Variants in URB2 observed in about 807,000 individuals in gnomAD.
URB2 encodes URB2 ribosome biogenesis homolog.
URB2 carries 86 observed loss-of-function variants against 120.9 expected under a neutral mutation model. The ratio of observed to expected loss-of-function variants is 0.71; its 90% CI spans 0.60 to 0.85. The LOEUF is 0.85. Ranked by LOEUF, URB2 falls within the 40% of genes least tolerant of loss-of-function variation. URB2 has a pLI of 0.00. For synonymous variants in URB2, 755 were observed against 758.4 expected, an observed-to-expected ratio of 1.00 and a Z score of 0.07; for missense variants, 1,765 against 1,836.5, an observed-to-expected ratio of 0.96 and a Z score of 0.71.
intron 2 of URB2, among the ~76,000 whole-genome samples, chr1:229,630,836 G>A (rs551185297): frequency 5.9e-5 from 9 of 152,038 alleles, no homozygotes; most frequent in African/African-American, 1.9e-4. Context: ...AAAAAAATTA[G>A]CCAGGCATGG....
At chr1:229,632,771 G>A (rs928951685) in intron 3 of URB2, among the ~76,000 whole-genome samples, 10 of 151,194 alleles carry the variant, frequency 6.6e-5, no homozygotes, top group East Asian at 1.9e-4. Context: ...GGGCTAGAGG[G>A]AGATCAAAGG....
At chr1:229,644,606 G>T (rs1389274751) in intron 5 of URB2, among the ~76,000 whole-genome samples, 1 of 152,172 alleles carries the variant, frequency 6.6e-6, no homozygotes, top group East Asian at 1.9e-4. Flanking sequence ...GTGCCAGGGG[G>T]GCAGGCCCTG....
intron 7 of URB2, among the ~76,000 whole-genome samples, chr1:229,648,262 T>A (rs989010309): frequency 2.0e-5 from 3 of 152,364 alleles, no homozygotes; most frequent in South Asian, 4.1e-4. Flanking sequence ...ATCTCCAAGA[T>A]ATCTCATTGT....
intron 9 of URB2, among the ~76,000 whole-genome samples, chr1:229,655,830 G>A (rs1421167482): frequency 5.3e-5 from 8 of 152,228 alleles, no homozygotes; most frequent in Non-Finnish European, 1.0e-4. Context: ...TAGGGTAGAG[G>A]TGTCAGCATT....
intron 2 of URB2, among the ~76,000 whole-genome samples, chr1:229,628,175 G>GTATATTA (rs1665568277): frequency 1.2e-5 from 1 of 84,782 alleles, no homozygotes; most frequent in Non-Finnish European, 2.5e-5. Flanking sequence ...TAGTATATAT[G>GTATATTA]TATATAATAT....
intron 9 of URB2, among the ~76,000 whole-genome samples, chr1:229,658,127 AT>A (rs1313683701): frequency 6.6e-6 from 1 of 152,216 alleles, no homozygotes; most frequent in Non-Finnish European, 1.5e-5. Context: ...TTGTGCAGCC[AT>A]CACCACCATC....
intron 4 of URB2, among the ~76,000 whole-genome samples, chr1:229,639,715 C>A (rs1399818753): frequency 6.6e-6 from 1 of 152,118 alleles, no homozygotes; most frequent in African/African-American, 2.4e-5. Flanking sequence ...CCTGTCCCCC[C>A]ACCATATTAG....
rs1415597925 is a variant in URB2 at position 229,643,475 on chromosome 1, AC to A, written c.3635-57del. The A allele has an allele frequency of 1.8e-5, 28 of 1,598,196 alleles. No homozygotes were observed. The East Asian group carries it at 5.8e-4, about 33-fold the overall frequency. On this transcript the variant is annotated intron_variant, in intron 4 of 9. Coordinates refer to ENST00000258243, the MANE Select transcript of URB2 (RefSeq NM_014777.4). ...CTGTGCGCAGTTTCATCCTATGGCT[AC>A]TTGGTAGTTTATTTCACCTGTCACA...
intron 5 of URB2, among the ~76,000 whole-genome samples, chr1:229,643,959 T>C (rs1160456549): frequency 1.3e-5 from 2 of 152,234 alleles, no homozygotes; most frequent in South Asian, 4.1e-4. Context: ...TGTTACACAT[T>C]CACAAAACTG....
chr1:229,627,083 G>A (rs1665509666), intron 1 of URB2, among the ~76,000 whole-genome samples: 2 of 152,134 alleles, frequency 1.3e-5, no homozygotes, highest in African/African-American at 2.4e-5. Flanking sequence ...AGTATCTCTT[G>A]TAGAGTCTTT....
intron 8 of URB2, 116 bp from the exon 9 acceptor site, chr1:229,654,133 C>A: frequency 6.8e-7 from 1 of 1,461,902 alleles, no homozygotes; most frequent in Non-Finnish European, 9.3e-7. Flanking sequence ...ATTAAAGAGT[C>A]TGGGAAAACA....
rs760550785 is a variant in URB2, at chr1:229,636,107, C to G, written c.1494C>G (p.Leu498=). 1.2e-6 allele frequency: 2 copies of G among 1,614,264 alleles called. No individual in the cohort carries two copies. Residue 498 remains leucine, a synonymous_variant, in exon 4 of 10, where the codon CTC becomes CTG. Transcript: ENST00000258243. Reference sequence around the variant, plus strand: ...TGGCCTCGGGCCCCTCCACGGTACTCTCTGCATGCCTCCTGGAGCTGCCTC... The same window carrying G: ...TGGCCTCGGGCCCCTCCACGGTACTGTCTGCATGCCTCCTGGAGCTGCCTC... ...PVLASGPSTV[L]SACLLELPPS... is the part of the protein sequence containing the mutation.
In URB2 at chr1:229,659,391, A is replaced by C; in HGVS notation, c.*94A>C. The C allele has an allele frequency of 7.6e-7, 1 of 1,317,492 alleles. No homozygotes were observed. Among genetic ancestry groups the C allele is most frequent in the Non-Finnish European group, 1.1e-6 (1 of 943,786 alleles). The allele number at this position is 1,317,492 out of a possible 1,614,324, so 81.6% of individuals were successfully genotyped here. A position where few individuals can be genotyped will look rare whatever the true frequency, so the allele number is the denominator to read the frequency against. ...GAGAATGAAAGACTTAAGATGTTCT[A>C]ATTCGTAGTATTGGTATACATAGAA... On this transcript the variant is annotated 3_prime_UTR_variant, in exon 10 of 10. Transcript: ENST00000258243.
chr1:229,643,007 A>T (rs1666050961), intron 4 of URB2, among the ~76,000 whole-genome samples: 1 of 152,238 alleles, frequency 6.6e-6, no homozygotes, highest in African/African-American at 2.4e-5. Flanking sequence ...ACAATCAAGT[A>T]AGCTAGAGAA....
At chr1:229,650,937 A>C (rs1666252914) in intron 7 of URB2, 2 of 185,042 alleles carry the variant, frequency 1.1e-5, no homozygotes, top group Non-Finnish European at 2.3e-5. Context: ...GCTTAGAGTA[A>C]AAGGTACAGA....
Position 229,643,664 on chromosome 1 carries a change from G to A in URB2, c.3766G>A (p.Val1256Ile). The A allele has an allele frequency of 6.2e-7, 1 of 1,614,114 alleles. No homozygotes were observed. The change falls in exon 5 of 10, where the codon GTC (valine) becomes ATC (isoleucine). Residue 1256 changes from valine (V) to isoleucine (I), a missense_variant. Transcript: ENST00000258243. ...GCAGTGTATTCTCCAGGGACTGGAT[G>A]TCAGTAACATGTGGAAAGCAGATGT... ...VMQCILQGLD[V>I]SNMWKADVQA...
rs751111779 is a variant in URB2 at position 229,635,523 on chromosome 1, G to C, written c.910G>C (p.Val304Leu). The C allele has an allele frequency of 1.4e-5, 22 of 1,613,998 alleles. No homozygotes were observed. The highest frequency in any genetic ancestry group is 1.7e-5 in the Non-Finnish European group (20 of 1,180,014). ...TCATACCTCTGTTGTGGCCAACTCA[G>C]TGGCCTTGCTGTATAAGCTCTTTCT... ...SLHTSVVANS[V>L]ALLYKLFLDS... The change falls in exon 4 of 10, where the codon GTG becomes CTG. Residue 304 changes from valine to leucine, a missense_variant. Coordinates refer to ENST00000258243, the MANE Select transcript of URB2 (RefSeq NM_014777.4).
Position 229,659,756 on chromosome 1 carries a change from T to C in URB2, c.*459T>C, listed in dbSNP as rs1666479816. The C allele has an allele frequency of 6.5e-6, 1 of 153,836 alleles. No individual in the cohort carries two copies. The highest frequency in any genetic ancestry group is 1.4e-5 in the Non-Finnish European group (1 of 69,100). The allele number at this position is 153,836 out of a possible 1,614,324, so 9.5% of individuals were successfully genotyped here. ...TGGGAAGTATTCTTGAAATGTCACA[T>C]TTTCTGCCTTCCCTCTAAGTATGCT... On this transcript the variant is annotated 3_prime_UTR_variant, in exon 10 of 10. Transcript: ENST00000258243.
chr1:229,652,753 T>C (rs983445485), intron 8 of URB2, among the ~76,000 whole-genome samples: 3 of 152,264 alleles, frequency 2.0e-5, no homozygotes, highest in Non-Finnish European at 2.9e-5. Flanking sequence ...TAGTCATGTC[T>C]GCCTGGACGG....
Sources: gnomAD v4.1 joint callset for allele counts (sites outside exome capture counted in the v4.1 genomes callset) on GRCh38, gnomAD v4.1.1 for gene constraint, MANE v1.5 for transcripts, NCBI Gene and HGNC (gene_info 2026-07-23, HGNC 2026-07-21) for gene names.